The following WDR12 variants were observed in gnomAD, a reference collection of about 807,000 sequenced individuals.
WDR12 encodes the protein WD repeat domain 12, also known as ribosome biogenesis protein WDR12.
A neutral mutation model predicts 64.3 loss-of-function variants in WDR12; 42 were observed. The ratio of observed to expected loss-of-function variants is 0.65; its 90% CI spans 0.51 to 0.84. The LOEUF is 0.84. Among genes scored for constraint, WDR12 ranks in the 40% least tolerant of loss-of-function variants. The probability of loss-of-function intolerance (pLI) is 0.00; values close to 1 mark genes in which losing one functional copy is unlikely to be tolerated. For synonymous variants in WDR12, 158 were observed against 173.3 expected (o/e 0.91, Z 0.70); for missense variants, 469 against 494.6 (o/e 0.95, Z 0.49).
chr2:202,905,411 G>T (rs1688435758), intron 2 of WDR12, among the ~76,000 whole-genome samples: 1 of 152,232 alleles, frequency 6.6e-6, no homozygotes, highest in African/African-American at 2.4e-5. Context: ...CCAAAGTGCT[G>T]GGATTACAGG....
At chr2:202,891,645 C>T (rs1193152017) in intron 8 of WDR12, among the ~76,000 whole-genome samples, 1 of 152,128 alleles carries the variant, frequency 6.6e-6, no homozygotes, top group African/African-American at 2.4e-5. Flanking sequence ...TCATTTTCAA[C>T]AATTTTTACA....
chr2:202,904,155 AAAAAAAAAAGAAAAG>A (rs1395498492), intron 2 of WDR12, among the ~76,000 whole-genome samples: 12 of 150,036 alleles, frequency 8.0e-5, no homozygotes, highest in African/African-American at 2.9e-4. Context: ...AAAAAAAAAA[AAAAAAAAAAGAAAAG>A]AAAAAGAAAA....
At chr2:202,883,431 T>G (rs1166815865) in intron 11 of WDR12, 178 bp downstream of exon 11, 1 of 687,648 alleles carries the variant, frequency 1.5e-6, no homozygotes, top group African/African-American at 1.8e-5. Flanking sequence ...CCACTGTGCC[T>G]GGCCAAAAAT....
Position 202,899,640 on chromosome 2 carries a change from A to C in WDR12, c.232-3T>G. 1 of 1,613,322 alleles carries C rather than the reference A, an allele frequency of 6.2e-7. No homozygotes were observed. Among genetic ancestry groups the C allele is most frequent in the Non-Finnish European group, 8.5e-7 (1 of 1,179,552 alleles). On this transcript the variant is annotated splice_polypyrimidine_tract_variant and splice_region_variant and intron_variant, in intron 3 of 12. Coordinates refer to ENST00000261015, the MANE Select transcript of WDR12 (RefSeq NM_018256.4). ...TATTCTATTTCCACAACTTCTTCCT[A>C]ATCACAAGAGAAACCAGCAACAAGT...
At chr2:202,895,992 T>C in intron 6 of WDR12, 73 bp downstream of exon 6, 1 of 1,536,126 alleles carries the variant, frequency 6.5e-7, no homozygotes, top group Non-Finnish European at 8.8e-7. Context: ...AATGAATATA[T>C]GCAGAAGAAA....
In WDR12 at chr2:202,911,549, T is replaced by G; in HGVS notation, c.-73A>C. On this transcript the variant is annotated 5_prime_UTR_variant, in exon 1 of 13. Coordinates refer to ENST00000261015, the MANE Select transcript of WDR12 (RefSeq NM_018256.4). ...ACCCACAACACGAAGCTCCTGCCTT[T>G]TAAGACTACAAAGAGGCAGCTCAAA... is the stretch of plus-strand genomic sequence containing the variant. 2.1e-6 allele frequency: 3 copies of G among 1,424,642 alleles called. No individual in the cohort carries two copies. The highest frequency in any genetic ancestry group is 3.0e-6 in the Non-Finnish European group (3 of 1,007,848). The allele number at this position is 1,424,642 out of a possible 1,614,324, so 88.3% of individuals were successfully genotyped here. A position where few individuals can be genotyped will look rare whatever the true frequency, so the allele number is the denominator to read the frequency against.
At chr2:202,908,809 A>G (rs1688510154) in intron 1 of WDR12, among the ~76,000 whole-genome samples, 2 of 152,218 alleles carry the variant, frequency 1.3e-5, no homozygotes, top group Non-Finnish European at 2.9e-5. Context: ...GACTCTTATA[A>G]GAGAGACTGT....
Position 202,899,650 on chromosome 2 carries a change from GA to G in WDR12, c.232-14del. ...CCACAACTTCTTCCTAATCACAAGAGAAACCAGCAACAAGTCAGGTGGTCTA... is the reference window on the plus strand; with the variant it reads ...CCACAACTTCTTCCTAATCACAAGAGAACCAGCAACAAGTCAGGTGGTCTA... On this transcript the variant is annotated splice_polypyrimidine_tract_variant and intron_variant, in intron 3 of 12. Transcript: ENST00000261015. 1 of 1,610,370 alleles carries G rather than the reference GA, an allele frequency of 6.2e-7. No individual in the cohort carries two copies. The highest frequency in any genetic ancestry group is 1.1e-5 in the South Asian group (1 of 90,562).
At chr2:202,910,536 CCAAA>C (rs1688566955) in intron 1 of WDR12, among the ~76,000 whole-genome samples, 1 of 151,742 alleles carries the variant, frequency 6.6e-6, no homozygotes. Flanking sequence ...AAAAACCAAA[CCAAA>C]CAAACAAAAA....
intron 7 of WDR12, among the ~76,000 whole-genome samples, chr2:202,893,110 T>C (rs1210713646): frequency 1.3e-5 from 2 of 152,152 alleles, no homozygotes; most frequent in Non-Finnish European, 2.9e-5. Flanking sequence ...CAGCCATGTT[T>C]ATTCTCTTAA....
intron 10 of WDR12, 67 bp downstream of exon 10, chr2:202,884,131 A>C (rs1219165329): frequency 6.6e-7 from 1 of 1,512,980 alleles, no homozygotes. Context: ...TTTTTTGTAC[A>C]TCTCCAGAGA....
intron 11 of WDR12, 38 bp from the exon 12 acceptor site, chr2:202,882,821 C>T: frequency 1.3e-6 from 2 of 1,586,864 alleles, no homozygotes; most frequent in Non-Finnish European, 1.7e-6. Context: ...TATGCATTCA[C>T]AGTGTTAAAA....
chr2:202,884,492 G>A lies in WDR12; in HGVS notation c.785C>T (p.Ser262Leu). The A allele has an allele frequency of 6.2e-7, 1 of 1,614,202 alleles. No homozygotes were observed. The highest frequency in any genetic ancestry group is 2.2e-5 in the East Asian group (1 of 44,878). The change falls in exon 9 of 13, where the codon TCA (serine) becomes TTA (leucine). Residue 262 changes from serine (S) to leucine (L), a missense_variant. By Grantham distance (145) the Ser-to-Leu change is moderately radical (BLOSUM62 -2). Transcript: ENST00000261015. ...TLSGHMEAVS[S>L]VLWSDAEEIC... is the part of the protein sequence containing the mutation. ...TTCTTCAGCATCTGACCACAGAACT[G>A]AGGAAACTGCCTCCATGTGGCCAGA...
Position 202,880,949 on chromosome 2 carries a change from G to A in WDR12, c.1195-12C>T. 1.9e-6 allele frequency: 3 copies of A among 1,588,064 alleles called. No homozygotes were observed. The highest frequency in any genetic ancestry group is 2.3e-5 in the East Asian group (1 of 44,292). ...CCACTCAGAAGTAGCTGTGTAAAAG[G>A]AGAGAAAAAGACAAGAAAACATAAA... On this transcript the variant is annotated splice_polypyrimidine_tract_variant and intron_variant, in intron 12 of 12. Coordinates refer to ENST00000261015, the MANE Select transcript of WDR12 (RefSeq NM_018256.4).
At chr2:202,881,025 T>A in intron 12 of WDR12, 88 bp from the exon 13 acceptor site, 2 of 1,178,008 alleles carry the variant, frequency 1.7e-6, no homozygotes, top group Non-Finnish European at 2.3e-6. Context: ...TACTAATGAT[T>A]TTCATTACAA....
In WDR12 at chr2:202,884,311, A is replaced by G; in HGVS notation, c.883-8T>C. ...AAACACTTTATTTCCTGTCTGAAAAAGAAAAGGAAAGAACATTAACCATGG... is the reference window on the plus strand; with the variant it reads ...AAACACTTTATTTCCTGTCTGAAAAGGAAAAGGAAAGAACATTAACCATGG... On this transcript the variant is annotated splice_polypyrimidine_tract_variant and splice_region_variant and intron_variant, in intron 9 of 12. Coordinates refer to ENST00000261015, the MANE Select transcript of WDR12 (RefSeq NM_018256.4). 1 of 1,613,832 alleles carries G rather than the reference A, an allele frequency of 6.2e-7. No individual in the cohort carries two copies.
Position 202,895,509 on chromosome 2 carries a change from ATTTC to A in WDR12, c.609+552_609+555del, listed in dbSNP as rs1182195055. Among the ~76,000 whole-genome samples, 989 of 139,170 alleles carry A rather than the reference ATTTC, an allele frequency of 7.1e-3. 6 individuals carry two copies. The highest frequency in any genetic ancestry group is 0.019 in the Middle Eastern group (5 of 270). 91.3% of individuals were successfully genotyped at this position (139,170 alleles called of 152,430 possible). On this transcript the variant is annotated intron_variant, in intron 6 of 12. Coordinates refer to ENST00000261015, the MANE Select transcript of WDR12 (RefSeq NM_018256.4). ...TATAAATGAATGGCTTGTTTACTTC[ATTTC>A]TTTCTTTTTTTTTTTTTTTTTTTTT...
intron 8 of WDR12, among the ~76,000 whole-genome samples, chr2:202,890,996 T>TAAGAAA (rs1553541233): frequency 6.3e-4 from 70 of 111,166 alleles, no homozygotes; most frequent in South Asian, 9.5e-4. Context: ...TTTGTCTCTT[T>TAAGAAA]AAAAAAAAAA....
chr2:202,889,647 G>C (rs1559159838), intron 8 of WDR12, among the ~76,000 whole-genome samples: 1 of 151,284 alleles, frequency 6.6e-6, no homozygotes, highest in Non-Finnish European at 1.5e-5. Context: ...AGGCATGGTA[G>C]CTCACGCCCG....
Sources: gnomAD v4.1 joint callset for allele counts (sites outside exome capture counted in the v4.1 genomes callset) on GRCh38, gnomAD v4.1.1 for gene constraint, MANE v1.5 for transcripts, NCBI Gene and HGNC (gene_info 2026-07-23, HGNC 2026-07-21) for gene names.